PKHD1L1: variants seen among roughly 807,000 people sequenced by gnomAD.
PKHD1L1 encodes fibrocystin-L.
PKHD1L1 carries 434 observed loss-of-function variants against 462.9 expected under a neutral mutation model. The ratio of observed to expected loss-of-function variants is 0.94; its 90% CI spans 0.87 to 1.02. PKHD1L1 has a LOEUF of 1.02. Ranked by LOEUF, PKHD1L1 falls within the 50% of genes least tolerant of loss-of-function variation. The pLI is 0.00. For missense variants in PKHD1L1, 5,202 were observed against 5,096.1 expected (o/e 1.02, Z -0.63); for synonymous variants, 1,781 against 1,750.0 (o/e 1.02, Z -0.44).
intron 74 of PKHD1L1, among the ~76,000 whole-genome samples, 198 bp downstream of exon 74, chr8:109,522,535 TG>T (rs1375663751): frequency 6.6e-6 from 1 of 152,226 alleles, no homozygotes; most frequent in African/African-American, 2.4e-5. Context: ...CCAAAAGTTG[TG>T]TATTGGTTAT....
chr8:109,505,409 G>A (rs1266216495), intron 68 of PKHD1L1, among the ~76,000 whole-genome samples: 1 of 152,116 alleles, frequency 6.6e-6, no homozygotes, highest in Non-Finnish European at 1.5e-5. Context: ...AGGTCAGTTG[G>A]TGTCAGGACA....
chr8:109,404,456 C>G (rs75182450), intron 14 of PKHD1L1, 98 bp from the exon 15 acceptor site: 127 of 678,966 alleles, frequency 1.9e-4, no homozygotes, highest in Non-Finnish European at 2.6e-4. Flanking sequence ...ATTTAACAGG[C>G]AGGCTTTTAA....
intron 74 of PKHD1L1, among the ~76,000 whole-genome samples, 197 bp downstream of exon 74, chr8:109,522,534 G>A (rs905197518): frequency 3.9e-5 from 6 of 152,232 alleles, no homozygotes; most frequent in African/African-American, 1.4e-4. Context: ...TCCAAAAGTT[G>A]TGTATTGGTT....
chr8:109,519,247 G>A, intron 73 of PKHD1L1, among the ~76,000 whole-genome samples: 1 of 151,990 alleles, frequency 6.6e-6, no homozygotes, highest in Non-Finnish European at 1.5e-5. Flanking sequence ...AAAAAAATAA[G>A]CTCAACTGTC....
intron 21 of PKHD1L1, among the ~76,000 whole-genome samples, chr8:109,415,862 GGGGTGTGTGTGTGTGTGT>G (rs1814132615): frequency 1.2e-5 from 1 of 83,922 alleles, no homozygotes; most frequent in Non-Finnish European, 2.3e-5. Context: ...AAAAAAAAAA[GGGGTGTGTGTGTGTGTGT>G]GTGTGTGTGT....
chr8:109,461,909 G>A lies in PKHD1L1; in HGVS notation c.7383+1G>A. 3.1e-6 allele frequency: 5 copies of A among 1,596,116 alleles called. No individual in the cohort carries two copies. The highest frequency in any genetic ancestry group is 4.3e-6 in the Non-Finnish European group (5 of 1,170,452). ...AACTGGGAGAATAGAATATGTAGAG[G>A]TGAGAGGCATTATTACTAAATCACA... On this transcript the variant is annotated splice_donor_variant, in intron 48 of 77. Coordinates refer to ENST00000378402, the MANE Select transcript of PKHD1L1 (RefSeq NM_177531.6). LOFTEE classifies it high-confidence loss of function.
Position 109,442,182 on chromosome 8 carries a change from A to G in PKHD1L1, c.4380A>G (p.Gln1460=). 1 of 1,610,958 alleles carries G rather than the reference A, an allele frequency of 6.2e-7. No homozygotes were observed. Among genetic ancestry groups the G allele is most frequent in the African/African-American group, 1.3e-5 (1 of 74,936 alleles). The change falls in exon 35 of 78, where the codon CAA becomes CAG. Residue 1460 remains glutamine, a synonymous_variant. Transcript: ENST00000378402. ...YDGKGFTSGR[Q]KSTSGSFSYQ... ...GCAAAGGATTCACAAGTGGAAGACA[A>G]AAATCTACATCAGGTATGTTTCTGC...
chr8:109,491,992 G>T lies in PKHD1L1; in HGVS notation c.10234G>T (p.Glu3412Ter), dbSNP rs1192116144. ...TTCAACTCTCTGGCATGCAGCAATTGAGGTAGTGAAAACAAACTTATAATT... is the reference window on the plus strand; with the variant it reads ...TTCAACTCTCTGGCATGCAGCAATTTAGGTAGTGAAAACAAACTTATAATT... ...LSSTLWHAAI[E>*]INRGTNTVLQ... is the part of the protein sequence containing the mutation. Residue 3412 changes from glutamate (E) to a stop codon, truncating the protein, a stop_gained and splice_region_variant, in exon 62 of 78, where the codon GAG becomes TAG. Transcript: ENST00000378402. LOFTEE classifies it high-confidence loss of function. 3 of 1,521,812 alleles carry T rather than the reference G, an allele frequency of 2.0e-6. No individual in the cohort carries two copies. The highest frequency in any genetic ancestry group is 4.1e-5 in the Admixed American group (2 of 48,590). 94.3% of individuals were successfully genotyped at this position (1,521,812 alleles called of 1,614,324 possible).
intron 9 of PKHD1L1, among the ~76,000 whole-genome samples, chr8:109,392,356 T>C (rs138232529): frequency 6.6e-6 from 1 of 152,292 alleles, no homozygotes; most frequent in African/African-American, 2.4e-5. Context: ...ACGTGATTGA[T>C]AAGTACCCAT....
Position 109,518,189 on chromosome 8 carries a change from T to A in PKHD1L1, c.11712T>A (p.Asp3904Glu), listed in dbSNP as rs1206988048. The A allele has an allele frequency of 1.3e-6, 2 of 1,596,662 alleles. No individual in the cohort carries two copies. Among genetic ancestry groups the A allele is most frequent in the Admixed American group, 1.7e-5 (1 of 59,330 alleles). Residue 3904 changes from aspartate to glutamate, a missense_variant, in exon 73 of 78, where the codon GAT (aspartate) becomes GAA (glutamate). Transcript: ENST00000378402. ...TAGACCAATTCCTTCCTAACCTGGA[T>A]TCCACTGTCCTTGGTGAAAACTACT... ...LYKDQFLPNL[D>E]STVLGENYFD...
chr8:109,436,367 G>A lies in PKHD1L1; in HGVS notation c.3535G>A (p.Gly1179Ser), dbSNP rs778632709. ...GGTLLTLSGFGFNENSKVLVG... is the reference protein window; with the variant it reads ...GGTLLTLSGFSFNENSKVLVG... Reference sequence around the variant, plus strand: ...TACTCTACTGACTTTATCTGGATTTGGCTTTAATGAAAATTCAAAGGTATT... The same window carrying A: ...TACTCTACTGACTTTATCTGGATTTAGCTTTAATGAAAATTCAAAGGTATT... The change falls in exon 30 of 78, where the codon GGC becomes AGC. Residue 1179 changes from glycine to serine, a missense_variant. Physicochemically the swap from Gly to Ser is moderately conservative, Grantham distance 56. Around this residue, in one of 3 missense-constraint regions of PKHD1L1, gnomAD observed 4,497 missense variants for 4,336.8 expected, o/e 1.04. Coordinates refer to ENST00000378402, the MANE Select transcript of PKHD1L1 (RefSeq NM_177531.6). The A allele has an allele frequency of 6.2e-7, 1 of 1,612,938 alleles. No individual in the cohort carries two copies. The highest frequency in any genetic ancestry group is 1.1e-5 in the South Asian group (1 of 90,976).
chr8:109,490,067 AT>A lies in PKHD1L1; in HGVS notation c.9984+17del. On this transcript the variant is annotated intron_variant, in intron 60 of 77. Coordinates refer to ENST00000378402, the MANE Select transcript of PKHD1L1 (RefSeq NM_177531.6). ...TTAACCTAGGACAGGTTTGTGCTTT[AT>A]TTTTAATTTTGTGTATATTAAAAAT... 1 of 1,505,286 alleles carries A rather than the reference AT, an allele frequency of 6.6e-7. No individual in the cohort carries two copies. Among genetic ancestry groups the A allele is most frequent in the Non-Finnish European group, 9.0e-7 (1 of 1,107,012 alleles). The allele number at this position is 1,505,286 out of a possible 1,614,324, so 93.2% of individuals were successfully genotyped here.
chr8:109,472,409 T>G (rs1322896549), intron 50 of PKHD1L1, among the ~76,000 whole-genome samples: 1 of 152,190 alleles, frequency 6.6e-6, no homozygotes, highest in Non-Finnish European at 1.5e-5. Context: ...TTGTCTATAT[T>G]CTGGTTTTTT....
intron 21 of PKHD1L1, 119 bp downstream of exon 21, chr8:109,413,664 T>G: frequency 3.0e-5 from 19 of 636,156 alleles, no homozygotes; most frequent in South Asian, 5.2e-5. Flanking sequence ...TGAGGGCAAA[T>G]AATGCACACA....
rs375857031 is a variant in PKHD1L1 at position 109,448,517 on chromosome 8, G to GTT, written c.6025+137_6025+138dup. On this transcript the variant is annotated intron_variant, in intron 39 of 77. Transcript: ENST00000378402. ...TTCTAGTGTTTTTTTTGTTTGTTTGGTTTTTTTTTTTTGAGACAGAGTCTC... is the reference window on the plus strand; with the variant it reads ...TTCTAGTGTTTTTTTTGTTTGTTTGGTTTTTTTTTTTTTTGAGACAGAGTCTC... The GTT allele has an allele frequency of 1.8e-3, 1,625 of 917,344 alleles. 1 individual carries two copies. Among genetic ancestry groups the GTT allele is most frequent in the Admixed American group, 6.2e-3 (165 of 26,648 alleles). 56.8% of individuals were successfully genotyped at this position (917,344 alleles called of 1,614,324 possible). A position where few individuals can be genotyped will look rare whatever the true frequency, so the allele number is the denominator to read the frequency against.
intron 58 of PKHD1L1, among the ~76,000 whole-genome samples, chr8:109,485,528 C>A (rs1818483204): frequency 6.6e-6 from 1 of 151,910 alleles, no homozygotes; most frequent in Admixed American, 6.6e-5. Flanking sequence ...TGGATATAGT[C>A]TTTAGCGGTA....
chr8:109,510,671 T>TTGAAC (rs1218839862), intron 70 of PKHD1L1, 106 bp from the exon 71 acceptor site: 1 of 1,385,032 alleles, frequency 7.2e-7, no homozygotes, highest in Non-Finnish European at 9.7e-7. Flanking sequence ...GAACTTGCAT[T>TTGAAC]TGAACTTGAC....
At chr8:109,446,775 A>G (rs1300177256) in intron 38 of PKHD1L1, among the ~76,000 whole-genome samples, 3 of 152,094 alleles carry the variant, frequency 2.0e-5, no homozygotes, top group South Asian at 2.1e-4. Flanking sequence ...ATTCAAAGGT[A>G]TAAGAGACTT....
intron 2 of PKHD1L1, among the ~76,000 whole-genome samples, chr8:109,371,979 C>T (rs28780403): frequency 0.023 from 3,553 of 152,064 alleles, 133 homozygotes; most frequent in African/African-American, 0.082. Flanking sequence ...ATTGACTTGG[C>T]GATGCAGGCT....
Sources: allele counts gnomAD v4.1 joint callset (sites outside exome capture counted in the v4.1 genomes callset), GRCh38; gene constraint gnomAD v4.1.1; regional missense constraint gnomAD v4.1.1; transcripts MANE v1.5; gene names NCBI Gene and HGNC (gene_info 2026-07-23, HGNC 2026-07-21).